Variants in MICU1 observed in about 807,000 individuals in gnomAD.
MICU1 encodes the protein calcium uptake protein 1, mitochondrial.
In MICU1, 45 loss-of-function variants were observed where a neutral mutation model predicts 56.8. The ratio of observed to expected loss-of-function variants is 0.79; its 90% CI spans 0.62 to 1.02. The LOEUF (loss-of-function observed/expected upper bound fraction) is 1.02, where lower values mean the gene tolerates loss of function less well. MICU1 is among the 50% of genes least tolerant of loss of function. MICU1 has a pLI of 0.00. For synonymous variants in MICU1, 186 were observed against 195.1 expected, an observed-to-expected ratio of 0.95 and a Z score of 0.39; for missense variants, 504 against 587.1, an observed-to-expected ratio of 0.86 and a Z score of 1.46.
intron 5 of MICU1, chr10:72,533,154 G>C: frequency 7.8e-7 from 1 of 1,289,490 alleles, no homozygotes; most frequent in South Asian, 1.2e-5. Flanking sequence ...TCTTTTTGGA[G>C]AATCTGGCCT....
At chr10:72,586,793 G>A (rs1841075105) in intron 1 of MICU1, among the ~76,000 whole-genome samples, 1 of 152,134 alleles carries the variant, frequency 6.6e-6, no homozygotes, top group Non-Finnish European at 1.5e-5. Flanking sequence ...TTTGGTTGAG[G>A]TTTTTCTACG....
At chr10:72,561,753 G>A (rs1276732197) in intron 3 of MICU1, among the ~76,000 whole-genome samples, 1 of 152,188 alleles carries the variant, frequency 6.6e-6, no homozygotes, top group African/African-American at 2.4e-5. Context: ...GGAGGTTACA[G>A]TGAGCCAAGA....
chr10:72,533,724 A>C (rs1839552393), intron 5 of MICU1, 22 bp downstream of exon 5: 4 of 1,559,246 alleles, frequency 2.6e-6, no homozygotes, highest in African/African-American at 1.4e-5. Context: ...ATATATGTAT[A>C]GAAGTGTCAT....
At chr10:72,544,662 C>T (rs1839856052) in intron 4 of MICU1, among the ~76,000 whole-genome samples, 1 of 152,176 alleles carries the variant, frequency 6.6e-6, no homozygotes, top group Admixed American at 6.5e-5. Context: ...TAGCAAGCAC[C>T]ACTCAAAGCC....
rs1191486943 is a variant in MICU1 at position 72,595,980 on chromosome 10, TTTTTC to T, written c.-1-29191_-1-29187del. ...AGACTGTCTCCACAATAAAAAAATTTTTTTCTTTTTTTTTTTTTTTTTTGAGACAG... is the reference window on the plus strand; with the variant it reads ...AGACTGTCTCCACAATAAAAAAATTTTTTTTTTTTTTTTTTTTTGAGACAG... On this transcript the variant is annotated intron_variant, in intron 1 of 11. Coordinates refer to ENST00000361114, the MANE Select transcript of MICU1 (RefSeq NM_001195518.2). Among the ~76,000 whole-genome samples, 177 of 150,002 alleles carry T rather than the reference TTTTTC, an allele frequency of 1.2e-3. 2 individuals are homozygous for T. The highest frequency in any genetic ancestry group is 3.9e-3 in the African/African-American group (158 of 40,964).
chr10:72,540,680 A>T (rs930751578), intron 4 of MICU1, among the ~76,000 whole-genome samples: 5 of 152,178 alleles, frequency 3.3e-5, no homozygotes, highest in Non-Finnish European at 7.3e-5. Context: ...TCTCTAAAAT[A>T]AAACAAAACA....
intron 10 of MICU1, 106 bp downstream of exon 10, chr10:72,407,823 G>A: frequency 1.5e-6 from 1 of 662,314 alleles, no homozygotes; most frequent in East Asian, 2.8e-5. Context: ...CCATTTCAAG[G>A]ATGCCAAGAA....
At chr10:72,384,639 C>T (rs979590385) in intron 10 of MICU1, among the ~76,000 whole-genome samples, 2 of 152,090 alleles carry the variant, frequency 1.3e-5, no homozygotes, top group African/African-American at 4.8e-5. Context: ...GATCATAAGC[C>T]AGAATCAATC....
chr10:72,516,632 C>T (rs1045628626), intron 5 of MICU1, among the ~76,000 whole-genome samples: 1 of 152,032 alleles, frequency 6.6e-6, no homozygotes, highest in African/African-American at 2.4e-5. Context: ...GGAAGGGGTC[C>T]AATTTCAGTT....
intron 8 of MICU1, among the ~76,000 whole-genome samples, chr10:72,466,935 T>A (rs1348003460): frequency 1.3e-5 from 2 of 152,236 alleles, no homozygotes; most frequent in African/African-American, 2.4e-5. Flanking sequence ...TTAGTTGTAG[T>A]TATAATCTTT....
chr10:72,570,773 C>T (rs1840589989), intron 1 of MICU1, among the ~76,000 whole-genome samples: 1 of 152,096 alleles, frequency 6.6e-6, no homozygotes, highest in Non-Finnish European at 1.5e-5. Flanking sequence ...TTCCCCAATC[C>T]CAGAAATCAT....
At chr10:72,597,190 G>A (rs919837166) in intron 1 of MICU1, among the ~76,000 whole-genome samples, 4 of 152,066 alleles carry the variant, frequency 2.6e-5, no homozygotes, top group Non-Finnish European at 5.9e-5. Context: ...CTATCACAAT[G>A]AATATACATA....
At chr10:72,510,568 T>C (rs557117665) in intron 5 of MICU1, among the ~76,000 whole-genome samples, 1 of 152,306 alleles carries the variant, frequency 6.6e-6, no homozygotes, top group East Asian at 1.9e-4. Flanking sequence ...TTCTGATACA[T>C]AATTTATAGC....
rs1285683880 is a variant in MICU1 at position 72,367,705 on chromosome 10, G to A, written c.*490C>T. 3 of 157,258 alleles carry A rather than the reference G, an allele frequency of 1.9e-5. No individual in the cohort carries two copies. Among genetic ancestry groups the A allele is most frequent in the African/African-American group, 4.8e-5 (2 of 41,496 alleles). The allele number at this position is 157,258 out of a possible 1,614,324, so 9.7% of individuals were successfully genotyped here. A position where few individuals can be genotyped will look rare whatever the true frequency, so the allele number is the denominator to read the frequency against. ...CGCAGGCTTCTCACACTAGCGTAGG[G>A]TGCCTAGGTCATCCTCATCATTGTT... On this transcript the variant is annotated 3_prime_UTR_variant, in exon 12 of 12. Transcript: ENST00000361114.
At chr10:72,529,653 G>A (rs1448593605) in intron 5 of MICU1, among the ~76,000 whole-genome samples, 1 of 151,942 alleles carries the variant, frequency 6.6e-6, no homozygotes, top group Non-Finnish European at 1.5e-5. Context: ...AGGAAAAAAG[G>A]GGTAAGAGAA....
intron 5 of MICU1, chr10:72,528,765 T>C (rs1367233188): frequency 8.8e-6 from 2 of 226,602 alleles, no homozygotes; most frequent in Non-Finnish European, 2.0e-5. Flanking sequence ...TATTCTAGGG[T>C]CTTATTTTAT....
At chr10:72,568,595 C>A (rs1203995004) in intron 1 of MICU1, among the ~76,000 whole-genome samples, 1 of 152,030 alleles carries the variant, frequency 6.6e-6, no homozygotes, top group Non-Finnish European at 1.5e-5. Context: ...ACTGTCAAGC[C>A]CAGCTGAGCC....
At position 72,622,270 on chromosome 10, in the gene MICU1, A is replaced by G. The variant is rs1411505196; in HGVS notation, c.-2+3740T>C. Among the ~76,000 whole-genome samples, 4 of 151,816 alleles carry G rather than the reference A, an allele frequency of 2.6e-5. No individual in the cohort carries two copies. In the South Asian group the frequency reaches 8.3e-4, roughly 31 times the overall value. On this transcript the variant is annotated intron_variant, in intron 1 of 11. Coordinates refer to ENST00000361114, the MANE Select transcript of MICU1 (RefSeq NM_001195518.2). ...AAAAAAAAAACATGAAAATTATTTT[A>G]GTGAACATCTGTTGTTTTTGCCTGT...
At chr10:72,424,565 C>T (rs1001481280) in intron 8 of MICU1, among the ~76,000 whole-genome samples, 9 of 152,088 alleles carry the variant, frequency 5.9e-5, no homozygotes, top group African/African-American at 2.2e-4. Context: ...AATCTGCCTG[C>T]CTTGGCCTCC....
Sources: allele counts gnomAD v4.1 joint callset (sites outside exome capture counted in the v4.1 genomes callset), GRCh38; gene constraint gnomAD v4.1.1; transcripts MANE v1.5; gene names NCBI Gene and HGNC (gene_info 2026-07-23, HGNC 2026-07-21).